Variants in EIF4G3 observed in about 807,000 individuals in gnomAD.
EIF4G3 encodes eukaryotic translation initiation factor 4 gamma 3.
A neutral mutation model predicts 186.4 loss-of-function variants in EIF4G3; 34 were observed. The observed-to-expected ratio is 0.18, with a 90% CI of 0.14 to 0.24. EIF4G3 has a LOEUF of 0.24. Among genes scored for constraint, EIF4G3 ranks in the 10% least tolerant of loss-of-function variants. The probability of loss-of-function intolerance (pLI) is 1.00; values close to 1 mark genes in which losing one functional copy is unlikely to be tolerated. For missense variants in EIF4G3, 1,536 were observed against 1,948.5 expected (o/e 0.79, Z 3.99); for synonymous variants, 673 against 679.5 (o/e 0.99, Z 0.15).
chr1:21,076,620 A>T (rs1026404699), intron 3 of EIF4G3, among the ~76,000 whole-genome samples: 2 of 152,220 alleles, frequency 1.3e-5, no homozygotes, highest in Non-Finnish European at 2.9e-5. Flanking sequence ...GACAACAGAG[A>T]ATCAAGAAAC....
chr1:20,829,646 G>T (rs1404324149), intron 30 of EIF4G3, among the ~76,000 whole-genome samples: 1 of 152,128 alleles, frequency 6.6e-6, no homozygotes, highest in Non-Finnish European at 1.5e-5. Flanking sequence ...GCACTATAAA[G>T]AATTCACCAC....
chr1:20,988,533 C>T (rs2080131544), intron 7 of EIF4G3: 1 of 155,864 alleles, frequency 6.4e-6, no homozygotes, highest in South Asian at 2.1e-4. Context: ...GCTAAATCTA[C>T]TCAGACTATG....
intron 10 of EIF4G3, among the ~76,000 whole-genome samples, chr1:20,977,069 A>G (rs1445785998): frequency 6.9e-6 from 1 of 145,084 alleles, no homozygotes; most frequent in Non-Finnish European, 1.5e-5. Flanking sequence ...TTTAAGTTAA[A>G]AAAACTTGTT....
chr1:20,994,397 G>A (rs1024104351), intron 7 of EIF4G3, among the ~76,000 whole-genome samples: 3 of 152,094 alleles, frequency 2.0e-5, no homozygotes, highest in African/African-American at 7.2e-5. Context: ...CCTGAGGCAA[G>A]GGTACAGACA....
chr1:20,986,620 G>A (rs1275226610), intron 7 of EIF4G3, among the ~76,000 whole-genome samples: 3 of 151,896 alleles, frequency 2.0e-5, no homozygotes, highest in African/African-American at 7.2e-5. Context: ...GTGGTGGCAT[G>A]CGCCTGTAGT....
chr1:21,080,516 T>C (rs2095742345), intron 3 of EIF4G3, among the ~76,000 whole-genome samples: 2 of 151,768 alleles, frequency 1.3e-5, no homozygotes, highest in South Asian at 2.1e-4. Flanking sequence ...TCTTCCTTTA[T>C]TTTTTTTGGA....
chr1:21,131,239 C>CA (rs33913086), intron 2 of EIF4G3, among the ~76,000 whole-genome samples: 30,844 of 113,944 alleles, frequency 0.27, 4,877 homozygotes, highest in Non-Finnish European at 0.38. Context: ...GATTCTGCCT[C>CA]AAAAAAAAAA....
intron 12 of EIF4G3, among the ~76,000 whole-genome samples, chr1:20,963,752 G>C (rs191595636): frequency 6.6e-6 from 1 of 151,900 alleles, no homozygotes; most frequent in Non-Finnish European, 1.5e-5. Flanking sequence ...TCAGGTGTTC[G>C]AGACCAGCCT....
At chr1:20,853,743 C>G in intron 26 of EIF4G3, 66 bp from the exon 27 acceptor site, 3 of 1,237,004 alleles carry the variant, frequency 2.4e-6, no homozygotes, top group African/African-American at 1.5e-5. Flanking sequence ...AATCAGTCAT[C>G]TGCATCCCTA....
At chr1:21,095,048 T>C (rs777894374) in intron 2 of EIF4G3, among the ~76,000 whole-genome samples, 4 of 152,130 alleles carry the variant, frequency 2.6e-5, no homozygotes, top group African/African-American at 7.2e-5. Flanking sequence ...AATTTAATGC[T>C]GGCTGTTAAT....
chr1:21,081,730 CT>C (rs1323620860), intron 3 of EIF4G3, among the ~76,000 whole-genome samples: 1 of 149,104 alleles, frequency 6.7e-6, no homozygotes, highest in Admixed American at 6.8e-5. Flanking sequence ...CAACCCCTGA[CT>C]CCCGGGTTCA....
chr1:21,095,722 T>C (rs540124738), intron 2 of EIF4G3, among the ~76,000 whole-genome samples: 57 of 152,294 alleles, frequency 3.7e-4, no homozygotes, highest in African/African-American at 1.3e-3. Flanking sequence ...TCAGCACATA[T>C]TGCCAATTGA....
chr1:21,051,157 CAG>C (rs2094192837), intron 3 of EIF4G3, among the ~76,000 whole-genome samples, 163 bp from the exon 4 acceptor site: 1 of 151,846 alleles, frequency 6.6e-6, no homozygotes, highest in Non-Finnish European at 1.5e-5. Context: ...TTGAAAAAAA[CAG>C]AATTCTTTAA....
intron 16 of EIF4G3, among the ~76,000 whole-genome samples, chr1:20,898,265 G>T (rs933454461): frequency 6.6e-6 from 1 of 152,084 alleles, no homozygotes. Flanking sequence ...TGAGGCAGGA[G>T]GACTGCTTGA....
At chr1:20,938,089 C>T (rs2095577969) in intron 14 of EIF4G3, among the ~76,000 whole-genome samples, 2 of 151,976 alleles carry the variant, frequency 1.3e-5, no homozygotes, top group Non-Finnish European at 2.9e-5. Context: ...CTCCATCTCC[C>T]AAGTTCAAGC....
intron 2 of EIF4G3, among the ~76,000 whole-genome samples, chr1:21,134,456 G>A (rs1232242782): frequency 6.6e-6 from 1 of 152,098 alleles, no homozygotes; most frequent in African/African-American, 2.4e-5. Context: ...ATCACATGAG[G>A]TTAGGAGTTT....
In EIF4G3 at chr1:21,117,756, A is replaced by AAAAAAAC. The variant is rs2096853293; in HGVS notation, c.-271-28544_-271-28543insGTTTTTT. ...TATAGTAAAAAAAAAAAAAAAAAAA[A>AAAAAAAC]AAAAATTAAAAGCAGAAGTGGGAGG... is the stretch of plus-strand genomic sequence containing the variant. On this transcript the variant is annotated intron_variant, in intron 2 of 36. Transcript: ENST00000602326. Among the ~76,000 whole-genome samples, 3 of 146,958 alleles carry AAAAAAAC rather than the reference A, an allele frequency of 2.0e-5. 1 individual carries two copies. Among genetic ancestry groups the AAAAAAAC allele is most frequent in the Non-Finnish European group, 4.5e-5 (3 of 66,078 alleles).
In EIF4G3 at chr1:20,866,302, C is replaced by A. The variant is rs543776308; in HGVS notation, c.2623-1040G>T. Reference sequence around the variant, plus strand: ...TTCCTGAGAACTGACGATGATGATGCTAGAATATTTGTACTAGAACTGATG... The same window carrying A: ...TTCCTGAGAACTGACGATGATGATGATAGAATATTTGTACTAGAACTGATG... On this transcript the variant is annotated intron_variant, in intron 20 of 36. Coordinates refer to ENST00000602326, the MANE Select transcript of EIF4G3 (RefSeq NM_001391906.1). Among the ~76,000 whole-genome samples, 18 of 152,230 alleles carry A rather than the reference C, an allele frequency of 1.2e-4. No individual in the cohort carries two copies. The South Asian group carries it at 3.7e-3, about 32-fold the overall frequency.
chr1:20,840,166 A>G lies in EIF4G3; in HGVS notation c.4061+690T>C, dbSNP rs1361497174. ...GCAAATTTCACTTTAAACATTGGTT[A>G]TACACCCTATGCCTGGGTAAGATTT... On this transcript the variant is annotated intron_variant, in intron 30 of 36. Coordinates refer to ENST00000602326, the MANE Select transcript of EIF4G3 (RefSeq NM_001391906.1). Among the ~76,000 whole-genome samples, 5 of 152,328 alleles carry G rather than the reference A, an allele frequency of 3.3e-5. No homozygotes were observed. In the South Asian group the frequency reaches 8.3e-4, roughly 25 times the overall value.
Sources: allele counts gnomAD v4.1 joint callset (sites outside exome capture counted in the v4.1 genomes callset), GRCh38; gene constraint gnomAD v4.1.1; transcripts MANE v1.5; gene names NCBI Gene and HGNC (gene_info 2026-07-23, HGNC 2026-07-21).